NALF1: variants seen among roughly 807,000 people sequenced by gnomAD.
NALF1 encodes NALCN channel auxiliary factor 1, also known as family with sequence similarity 155 member A.
NALF1 carries 3 observed loss-of-function variants against 48.4 expected under a neutral mutation model. The ratio of observed to expected loss-of-function variants is 0.06; its 90% CI spans 0.03 to 0.16. NALF1 has a LOEUF of 0.16. Among genes scored for constraint, NALF1 ranks in the 10% least tolerant of loss-of-function variants. The pLI, the probability that NALF1 is intolerant of heterozygous loss-of-function variation, is 1.00. For synonymous variants in NALF1, 262 were observed against 245.7 expected, an observed-to-expected ratio of 1.07 and a Z score of -0.62; for missense variants, 526 against 571.5, an observed-to-expected ratio of 0.92 and a Z score of 0.81.
intron 1 of NALF1, among the ~76,000 whole-genome samples, chr13:107,615,509 C>T (rs545267400): frequency 4.6e-5 from 7 of 152,312 alleles, no homozygotes; most frequent in Admixed American, 2.0e-4. Context: ...CTGGTGGCAC[C>T]TATGGCCTAT....
chr13:107,767,744 G>T (rs1877455110), intron 1 of NALF1, among the ~76,000 whole-genome samples: 1 of 152,058 alleles, frequency 6.6e-6, no homozygotes, highest in Non-Finnish European at 1.5e-5. Flanking sequence ...TGACTTTATG[G>T]TCCATTATTT....
intron 1 of NALF1, among the ~76,000 whole-genome samples, chr13:107,511,243 G>A (rs1032190946): frequency 1.3e-5 from 2 of 152,122 alleles, no homozygotes; most frequent in Non-Finnish European, 2.9e-5. Context: ...CGACTCTTCC[G>A]TTGTCTGTAC....
At chr13:107,819,177 T>C (rs1879278987) in intron 1 of NALF1, among the ~76,000 whole-genome samples, 1 of 135,212 alleles carries the variant, frequency 7.4e-6, no homozygotes, top group South Asian at 2.5e-4. Flanking sequence ...TCTGAATAAA[T>C]ATCTACCAAA....
At chr13:107,335,704 T>C (rs1882543096) in intron 1 of NALF1, among the ~76,000 whole-genome samples, 3 of 152,194 alleles carry the variant, frequency 2.0e-5, no homozygotes, top group Non-Finnish European at 4.4e-5. Flanking sequence ...TTTTGATTCA[T>C]GGGTACCATC....
intron 1 of NALF1, among the ~76,000 whole-genome samples, chr13:107,324,438 C>T (rs768169011): frequency 1.3e-5 from 2 of 152,164 alleles, no homozygotes; most frequent in Non-Finnish European, 2.9e-5. Context: ...TTGTACTTAA[C>T]TTTCTGGTTA....
At chr13:107,253,066 TAGTG>T (rs1880735700) in intron 1 of NALF1, among the ~76,000 whole-genome samples, 1 of 152,070 alleles carries the variant, frequency 6.6e-6, no homozygotes, top group Admixed American at 6.5e-5. Flanking sequence ...TGTAAAATAT[TAGTG>T]AGTATGAAAT....
intron 1 of NALF1, among the ~76,000 whole-genome samples, chr13:107,553,153 C>T (rs112733325): frequency 6.6e-6 from 1 of 152,054 alleles, no homozygotes; most frequent in African/African-American, 2.4e-5. Context: ...GAAATTCTAC[C>T]TAAAGTTTAA....
At chr13:107,681,068 C>A (rs1160754016) in intron 1 of NALF1, among the ~76,000 whole-genome samples, 1 of 152,078 alleles carries the variant, frequency 6.6e-6, no homozygotes, top group Non-Finnish European at 1.5e-5. Context: ...TTGTTTTCAG[C>A]AGTCACTGAC....
rs568489095 is a variant in NALF1, at chr13:107,619,343, G to T, written c.915+246339C>A. Reference sequence around the variant, plus strand: ...AGATGTGTACAGAGAGGATGGAAGAGCACTGACCTGGGTTTGTGAGAATCA... The same window carrying T: ...AGATGTGTACAGAGAGGATGGAAGATCACTGACCTGGGTTTGTGAGAATCA... On this transcript the variant is annotated intron_variant, in intron 1 of 2. Transcript: ENST00000375915. Among the ~76,000 whole-genome samples, 163 of 152,296 alleles carry T rather than the reference G, an allele frequency of 1.1e-3. 2 individuals carry two copies. The highest frequency in any genetic ancestry group is 2.9e-4 in the Non-Finnish European group (20 of 68,020).
At chr13:107,665,639 T>C (rs1185367672) in intron 1 of NALF1, among the ~76,000 whole-genome samples, 1 of 152,186 alleles carries the variant, frequency 6.6e-6, no homozygotes, top group Non-Finnish European at 1.5e-5. Flanking sequence ...GTTGTTCTTT[T>C]ATATTATTTT....
At chr13:107,646,117 T>C (rs1231990479) in intron 1 of NALF1, among the ~76,000 whole-genome samples, 1 of 152,018 alleles carries the variant, frequency 6.6e-6, no homozygotes, top group African/African-American at 2.4e-5. Flanking sequence ...ACTGAGAGTT[T>C]TACACATCTT....
At chr13:107,302,421 G>A (rs933017928) in intron 1 of NALF1, among the ~76,000 whole-genome samples, 1 of 152,154 alleles carries the variant, frequency 6.6e-6, no homozygotes, top group Non-Finnish European at 1.5e-5. Context: ...GCCTAGCAGT[G>A]AGCCCTTCAT....
chr13:107,782,499 T>C (rs1405226700), intron 1 of NALF1, among the ~76,000 whole-genome samples: 1 of 152,076 alleles, frequency 6.6e-6, no homozygotes, highest in Non-Finnish European at 1.5e-5. Flanking sequence ...GAGGAGCGTC[T>C]CTGCCTGGCC....
At chr13:107,434,303 TA>T (rs1253527920) in intron 1 of NALF1, among the ~76,000 whole-genome samples, 4 of 152,216 alleles carry the variant, frequency 2.6e-5, no homozygotes, top group African/African-American at 9.6e-5. Context: ...GTAGCCTGAT[TA>T]TCATTGACAC....
At chr13:107,863,579 C>T (rs770630707) in intron 1 of NALF1, among the ~76,000 whole-genome samples, 1 of 152,160 alleles carries the variant, frequency 6.6e-6, no homozygotes, top group Non-Finnish European at 1.5e-5. Flanking sequence ...AATCAAGTGT[C>T]TGCATTTACT....
rs185243733 is a variant in NALF1 at position 107,643,584 on chromosome 13, C to T, written c.915+222098G>A. Among the ~76,000 whole-genome samples the T allele has an allele frequency of 1.6e-4, 24 of 149,518 alleles. No individual in the cohort carries two copies. The East Asian group carries it at 4.2e-3, about 26-fold the overall frequency. ...GAAATGACAATTTAAAATATGAAAT[C>T]GTTTTATTTGGATCAAAGGGAACAA... is the stretch of plus-strand genomic sequence containing the variant. On this transcript the variant is annotated intron_variant, in intron 1 of 2. Coordinates refer to ENST00000375915, the MANE Select transcript of NALF1 (RefSeq NM_001080396.3).
At chr13:107,631,788 G>A (rs905157625) in intron 1 of NALF1, among the ~76,000 whole-genome samples, 2 of 152,034 alleles carry the variant, frequency 1.3e-5, no homozygotes, top group Admixed American at 6.6e-5. Context: ...ACTTGATGCA[G>A]ATTATATATA....
intron 1 of NALF1, among the ~76,000 whole-genome samples, chr13:107,302,110 G>T (rs1881848416): frequency 6.6e-6 from 1 of 152,104 alleles, no homozygotes; most frequent in Non-Finnish European, 1.5e-5. Flanking sequence ...CATTATCACG[G>T]GAGTGGGACT....
intron 2 of NALF1, among the ~76,000 whole-genome samples, chr13:107,194,056 CTATA>C (rs994641593): frequency 0.015 from 1,286 of 83,446 alleles, 19 homozygotes; most frequent in African/African-American, 0.063. Flanking sequence ...ATCTATCTAT[CTATA>C]TATCAATCTA....
Sources: gnomAD v4.1 joint callset for allele counts (sites outside exome capture counted in the v4.1 genomes callset) on GRCh38, gnomAD v4.1.1 for gene constraint, MANE v1.5 for transcripts, NCBI Gene and HGNC (gene_info 2026-07-23, HGNC 2026-07-21) for gene names.